ZDHHC14: variants seen among roughly 807,000 people sequenced by gnomAD.
ZDHHC14 encodes palmitoyltransferase ZDHHC14.
ZDHHC14 carries 16 observed loss-of-function variants against 47.7 expected under a neutral mutation model. The observed-to-expected ratio is 0.34, with a 90% CI of 0.23 to 0.51. The LOEUF is 0.51. ZDHHC14 is among the 20% of genes least tolerant of loss of function. The probability of loss-of-function intolerance (pLI) is 0.97; values close to 1 mark genes in which losing one functional copy is unlikely to be tolerated. For missense variants in ZDHHC14, 515 were observed against 662.5 expected (o/e 0.78, Z 2.44); for synonymous variants, 293 against 278.9 (o/e 1.05, Z -0.50).
At chr6:157,596,130 C>T (rs1046617600) in intron 3 of ZDHHC14, among the ~76,000 whole-genome samples, 4 of 152,126 alleles carry the variant, frequency 2.6e-5, no homozygotes, top group Non-Finnish European at 4.4e-5. Context: ...TTCGGTTTTC[C>T]GGTTAATTAT....
At chr6:157,512,355 C>T (rs1780524286) in intron 1 of ZDHHC14, among the ~76,000 whole-genome samples, 1 of 152,214 alleles carries the variant, frequency 6.6e-6, no homozygotes. Flanking sequence ...CCACATAGCC[C>T]TCTGGTAGTC....
At chr6:157,387,759 G>C (rs1471602068) in intron 1 of ZDHHC14, among the ~76,000 whole-genome samples, 1 of 152,220 alleles carries the variant, frequency 6.6e-6, no homozygotes, top group Non-Finnish European at 1.5e-5. Context: ...GTTCACTGCT[G>C]TATCCCCAGG....
intron 1 of ZDHHC14, among the ~76,000 whole-genome samples, chr6:157,490,951 T>A (rs241585): frequency 0.27 from 41,314 of 151,180 alleles, 5,836 homozygotes; most frequent in East Asian, 0.38. Flanking sequence ...TATAAGAGAA[T>A]CAAAGCAGGG....
chr6:157,511,613 C>T (rs1450504455), intron 1 of ZDHHC14, among the ~76,000 whole-genome samples: 1 of 145,112 alleles, frequency 6.9e-6, no homozygotes, highest in Non-Finnish European at 1.5e-5. Context: ...AGGCTGGTCT[C>T]GAACTCTCAA....
intron 1 of ZDHHC14, among the ~76,000 whole-genome samples, chr6:157,481,850 CTACA>C (rs1779638385): frequency 2.0e-5 from 3 of 152,110 alleles, no homozygotes; most frequent in Non-Finnish European, 4.4e-5. Context: ...ACCTACCTAC[CTACA>C]TATTATCCAT....
At chr6:157,537,372 G>A (rs912255981) in intron 1 of ZDHHC14, among the ~76,000 whole-genome samples, 1 of 152,196 alleles carries the variant, frequency 6.6e-6, no homozygotes, top group Non-Finnish European at 1.5e-5. Context: ...TACCTCTAAT[G>A]TACAATGCTT....
At chr6:157,566,230 A>C (rs144007553) in intron 2 of ZDHHC14, among the ~76,000 whole-genome samples, 240 of 135,774 alleles carry the variant, frequency 1.8e-3, no homozygotes, top group African/African-American at 6.8e-3. Flanking sequence ...GGAAAAGCTC[A>C]AGTCTTTCTC....
rs561561494 is a variant in ZDHHC14, at chr6:157,651,182, C to T, written c.966-2343C>T. On this transcript the variant is annotated intron_variant, in intron 7 of 8. Coordinates refer to ENST00000359775, the MANE Select transcript of ZDHHC14 (RefSeq NM_024630.3). ...AGTTGTTCTGTTATAGTCGGAGGCT[C>T]GAAGCCTTAAATCAAGGTGCTGGCA... is the stretch of plus-strand genomic sequence containing the variant. Among the ~76,000 whole-genome samples, 83 of 152,358 alleles carry T rather than the reference C, an allele frequency of 5.4e-4. No individual in the cohort carries two copies. In the Middle Eastern group the frequency reaches 0.02, roughly 37 times the overall value.
chr6:157,652,692 C>T (rs1033681555), intron 7 of ZDHHC14, among the ~76,000 whole-genome samples: 3 of 152,220 alleles, frequency 2.0e-5, no homozygotes, highest in African/African-American at 7.2e-5. Context: ...GAATTTTGCG[C>T]AGCACCCGCT....
rs1283013036 is a variant in ZDHHC14, at chr6:157,502,161, G to A, written c.246-40424G>A. On this transcript the variant is annotated intron_variant, in intron 1 of 8. Transcript: ENST00000359775. The surrounding 1 kb of genome is among the most constrained non-coding windows in gnomAD (Gnocchi z 4.0). ...CAGGGCCCACAGGAGTAACCAGCAG[G>A]ACCAGTGGTCACATCTGGTGGAAAG... 6.6e-6 allele frequency among the ~76,000 whole-genome samples: 1 copy of A among 152,224 alleles called. No individual in the cohort carries two copies. The highest frequency in any genetic ancestry group is 2.4e-5 in the African/African-American group (1 of 41,460).
intron 1 of ZDHHC14, among the ~76,000 whole-genome samples, chr6:157,482,536 G>A (rs998387028): frequency 1.3e-5 from 2 of 151,950 alleles, no homozygotes; most frequent in Non-Finnish European, 1.5e-5. Context: ...TTACAGGCAT[G>A]AGCCACCACG....
chr6:157,529,692 A>G (rs143833566), intron 1 of ZDHHC14, among the ~76,000 whole-genome samples: 3 of 152,360 alleles, frequency 2.0e-5, no homozygotes, highest in Non-Finnish European at 1.5e-5. Context: ...TCTTAATTAC[A>G]TTTAATGAGG....
At chr6:157,616,136 G>A (rs1358678032) in intron 3 of ZDHHC14, among the ~76,000 whole-genome samples, 1 of 152,198 alleles carries the variant, frequency 6.6e-6, no homozygotes, top group Non-Finnish European at 1.5e-5. Context: ...AACAGTGTGG[G>A]GGACACATAA....
intron 3 of ZDHHC14, among the ~76,000 whole-genome samples, chr6:157,615,376 C>T (rs1037877099): frequency 3.9e-5 from 6 of 152,194 alleles, no homozygotes; most frequent in East Asian, 1.9e-4. Flanking sequence ...GAGCCACCAA[C>T]CTGTTCTGGG....
intron 1 of ZDHHC14, among the ~76,000 whole-genome samples, chr6:157,393,844 C>T (rs952801948): frequency 6.6e-6 from 1 of 151,916 alleles, no homozygotes; most frequent in African/African-American, 2.4e-5. Context: ...AACTTTGTTC[C>T]TCTCTCTCCT....
chr6:157,491,198 G>C (rs925219200), intron 1 of ZDHHC14, among the ~76,000 whole-genome samples: 2 of 152,172 alleles, frequency 1.3e-5, no homozygotes, highest in East Asian at 1.9e-4. Flanking sequence ...CGCCCTGCAG[G>C]GTAGACAGTC....
chr6:157,508,128 G>A (rs1237034291), intron 1 of ZDHHC14, among the ~76,000 whole-genome samples: 1 of 152,104 alleles, frequency 6.6e-6, no homozygotes, highest in Non-Finnish European at 1.5e-5. Context: ...CTCTTTCAAA[G>A]CTTTTAGATG....
intron 2 of ZDHHC14, among the ~76,000 whole-genome samples, chr6:157,559,794 A>G (rs141401706): frequency 0.021 from 3,205 of 152,366 alleles, 114 homozygotes; most frequent in African/African-American, 0.073. Context: ...AGAGAGAATT[A>G]GGAGCTGTCT....
At chr6:157,516,641 A>G (rs1015236592) in intron 1 of ZDHHC14, among the ~76,000 whole-genome samples, 20 of 152,234 alleles carry the variant, frequency 1.3e-4, no homozygotes, top group African/African-American at 3.6e-4. Context: ...CTGTTTCACC[A>G]TTGCAGTATC....
Sources: gnomAD v4.1 joint callset for allele counts (sites outside exome capture counted in the v4.1 genomes callset) on GRCh38, gnomAD v4.1.1 for gene constraint, Gnocchi (gnomAD v3.1) non-coding constraint, MANE v1.5 for transcripts, NCBI Gene and HGNC (gene_info 2026-07-23, HGNC 2026-07-21) for gene names.